The following HNRNPM variants were observed in gnomAD, a reference collection of about 807,000 sequenced individuals.
The protein encoded by HNRNPM is CEA receptor.
In HNRNPM, 11 loss-of-function variants were observed where a neutral mutation model predicts 73.1. That is an observed-to-expected ratio of 0.15 (90% CI 0.09 to 0.25). The LOEUF (loss-of-function observed/expected upper bound fraction) is 0.25. Ranked by LOEUF, HNRNPM falls within the 10% of genes least tolerant of loss-of-function variation. HNRNPM has a pLI of 1.00. For missense variants in HNRNPM, 789 were observed against 1,067.9 expected (o/e 0.74, Z 3.64); for synonymous variants, 407 against 355.2 (o/e 1.15, Z -1.64).
intron 1 of HNRNPM, among the ~76,000 whole-genome samples, chr19:8,448,626 C>T (rs961089929): frequency 3.9e-5 from 6 of 151,904 alleles, no homozygotes; most frequent in Non-Finnish European, 7.4e-5. Context: ...TACAGGCGCC[C>T]GCCACCATGC....
chr19:8,474,088 CAT>C lies in HNRNPM; in HGVS notation c.1043-78_1043-77del, dbSNP rs534208391. ...TTGGCAGAAGATACCCCAGTTGAAA[CAT>C]GTGATAGAATTTTTCTTTCCCTGCT... On this transcript the variant is annotated intron_variant, in intron 11 of 15. Coordinates refer to ENST00000325495, the MANE Select transcript of HNRNPM (RefSeq NM_005968.5). The C allele has an allele frequency of 4.6e-4, 475 of 1,041,554 alleles. 2 individuals are homozygous for C. The African/African-American group carries it at 5.0e-3, about 11-fold the overall frequency. The allele number at this position is 1,041,554 out of a possible 1,614,324, so 64.5% of individuals were successfully genotyped here. A position where few individuals can be genotyped will look rare whatever the true frequency, so the allele number is the denominator to read the frequency against.
intron 2 of HNRNPM, among the ~76,000 whole-genome samples, chr19:8,457,634 G>A (rs913785966): frequency 3.9e-5 from 6 of 152,154 alleles, no homozygotes; most frequent in Non-Finnish European, 5.9e-5. Flanking sequence ...ATCTTTTTAT[G>A]ATAATGCTTA....
chr19:8,483,964 T>G (rs1464631465), intron 13 of HNRNPM, among the ~76,000 whole-genome samples: 1 of 151,680 alleles, frequency 6.6e-6, no homozygotes, highest in Non-Finnish European at 1.5e-5. Context: ...GATGGCATTT[T>G]GACATGTTAC....
intron 1 of HNRNPM, among the ~76,000 whole-genome samples, chr19:8,451,671 T>C (rs1568259710): frequency 6.6e-6 from 1 of 151,942 alleles, no homozygotes; most frequent in Non-Finnish European, 1.5e-5. Flanking sequence ...GGGACCGCAG[T>C]TGTGCACCAA....
At chr19:8,466,208 G>GT (rs1167901962) in intron 6 of HNRNPM, 27 bp from the exon 7 acceptor site, 4 of 1,599,718 alleles carry the variant, frequency 2.5e-6, no homozygotes, top group Non-Finnish European at 3.4e-6. Context: ...TTACATTGAG[G>GT]TTTTTACCCC....
intron 10 of HNRNPM, among the ~76,000 whole-genome samples, chr19:8,471,768 G>T (rs984509503): frequency 2.6e-5 from 4 of 152,076 alleles, no homozygotes; most frequent in Non-Finnish European, 5.9e-5. Flanking sequence ...CCTGACCACG[G>T]GACCATAGCA....
At chr19:8,467,713 G>A (rs1969851119) in intron 8 of HNRNPM, 129 bp downstream of exon 8, 9 of 739,148 alleles carry the variant, frequency 1.2e-5, no homozygotes, top group South Asian at 1.2e-4. Context: ...GCAGTATGTT[G>A]AGCAAAATTG....
chr19:8,454,373 C>T (rs1415948958), intron 1 of HNRNPM, among the ~76,000 whole-genome samples: 1 of 152,208 alleles, frequency 6.6e-6, no homozygotes, highest in Non-Finnish European at 1.5e-5. Flanking sequence ...ATAATGCCCT[C>T]AAGGTTCATG....
At chr19:8,479,690 C>T (rs1161851321) in intron 12 of HNRNPM, among the ~76,000 whole-genome samples, 1 of 151,418 alleles carries the variant, frequency 6.6e-6, no homozygotes. Flanking sequence ...GTGATCCTCC[C>T]GCCTTGGCCT....
chr19:8,445,160 CCGACGCGGG>C (rs1968042679), intron 1 of HNRNPM, 49 bp downstream of exon 1: 5 of 1,333,714 alleles, frequency 3.7e-6, no homozygotes, highest in Non-Finnish European at 4.8e-6. Context: ...CTCTCCGCGG[CCGACGCGGG>C]CGGCGGCTCC....
rs539697142 is a variant in HNRNPM, at chr19:8,455,750, T to G, written c.283+176T>G. 1.8e-4 allele frequency among the ~76,000 whole-genome samples: 27 copies of G among 149,970 alleles called. 1 individual carries two copies. In the East Asian group the frequency reaches 5.1e-3, roughly 28 times the overall value. On this transcript the variant is annotated intron_variant, in intron 2 of 15. Coordinates refer to ENST00000325495, the MANE Select transcript of HNRNPM (RefSeq NM_005968.5). ...GTTTTTTTTTTTTGTTTTGTGTTTT[T>G]TTTTTGTTTTGTTTTGTTTTGTGGT...
intron 10 of HNRNPM, among the ~76,000 whole-genome samples, chr19:8,473,063 A>G (rs1970263046): frequency 6.6e-6 from 1 of 152,068 alleles, no homozygotes; most frequent in Admixed American, 6.5e-5. Context: ...AGACTAGTCT[A>G]GGCGACATAG....
At chr19:8,463,133 C>A (rs909029721) in intron 3 of HNRNPM, among the ~76,000 whole-genome samples, 1 of 152,060 alleles carries the variant, frequency 6.6e-6, no homozygotes, top group Admixed American at 6.5e-5. Context: ...GCTTAACTTA[C>A]GGAAGGGATG....
intron 2 of HNRNPM, among the ~76,000 whole-genome samples, chr19:8,459,745 C>T (rs529922559): frequency 6.6e-6 from 1 of 152,236 alleles, no homozygotes; most frequent in Non-Finnish European, 1.5e-5. Context: ...ACAGTAGCTC[C>T]CAGGGACCGC....
At chr19:8,463,547 C>T in intron 4 of HNRNPM, 43 bp downstream of exon 4, 2 of 1,612,876 alleles carry the variant, frequency 1.2e-6, no homozygotes, top group Non-Finnish European at 1.7e-6. Flanking sequence ...AGCCTTCTAA[C>T]TTGTAGGACT....
chr19:8,479,922 G>A (rs1336230434), intron 12 of HNRNPM, among the ~76,000 whole-genome samples: 20 of 149,654 alleles, frequency 1.3e-4, no homozygotes, highest in Non-Finnish European at 2.2e-4. Flanking sequence ...TTACAGGCGC[G>A]TGCCCCCATG....
chr19:8,457,127 A>G (rs1198082276), intron 2 of HNRNPM, among the ~76,000 whole-genome samples: 1 of 152,200 alleles, frequency 6.6e-6, no homozygotes, highest in African/African-American at 2.4e-5. Flanking sequence ...GGCTTTGAAA[A>G]TGCAATTGTT....
intron 12 of HNRNPM, among the ~76,000 whole-genome samples, chr19:8,480,001 G>A (rs1187317189): frequency 2.7e-5 from 4 of 147,068 alleles, no homozygotes; most frequent in Admixed American, 1.3e-4. Context: ...TCTTGAACTC[G>A]GGACCTCGTG....
Position 8,455,447 on chromosome 19 carries a change from A to G in HNRNPM, c.156A>G (p.Lys52=), listed in dbSNP as rs750054305. The change falls in exon 2 of 16, where the codon AAA becomes AAG. Residue 52 remains lysine (K), a synonymous_variant. Coordinates refer to ENST00000325495, the MANE Select transcript of HNRNPM (RefSeq NM_005968.5). ...CTCAGAATGAGAAGAGGAAGGAGAAAAACATAAAAAGAGGAGGCAATCGCT... is the reference window on the plus strand; with the variant it reads ...CTCAGAATGAGAAGAGGAAGGAGAAGAACATAAAAAGAGGAGGCAATCGCT... ...RPAQNEKRKE[K]NIKRGGNRFE... 1.2e-6 allele frequency: 2 copies of G among 1,614,020 alleles called. No individual in the cohort carries two copies. The highest frequency in any genetic ancestry group is 1.7e-6 in the Non-Finnish European group (2 of 1,180,002).
Sources: allele counts gnomAD v4.1 joint callset (sites outside exome capture counted in the v4.1 genomes callset), GRCh38; gene constraint gnomAD v4.1.1; transcripts MANE v1.5; gene names NCBI Gene and HGNC (gene_info 2026-07-23, HGNC 2026-07-21).